The following ADI1 variants were observed in gnomAD, a reference collection of about 807,000 sequenced individuals.
ADI1 encodes acireductone dioxygenase 1, also known as acireductone dioxygenase.
ADI1 carries 21 observed loss-of-function variants against 18.7 expected under a neutral mutation model. The observed-to-expected ratio is 1.13, with a 90% confidence interval of 0.80 to 1.62. The LOEUF (loss-of-function observed/expected upper bound fraction) is 1.62. Ranked by LOEUF, ADI1 falls within the 40% of genes most tolerant of loss-of-function variation. ADI1 has a pLI of 0.00. For missense variants in ADI1, 245 were observed against 254.9 expected, an observed-to-expected ratio of 0.96 and a Z score of 0.26; for synonymous variants, 90 against 100.1, an observed-to-expected ratio of 0.90 and a Z score of 0.60.
chr2:3,506,200 T>C (rs891630911), intron 2 of ADI1, among the ~76,000 whole-genome samples: 2 of 152,184 alleles, frequency 1.3e-5, no homozygotes, highest in Non-Finnish European at 2.9e-5. Flanking sequence ...GAGACTGTCC[T>C]AGCTAATGCA....
chr2:3,516,087 T>A, intron 1 of ADI1: 1 of 971,268 alleles, frequency 1.0e-6, no homozygotes, highest in East Asian at 1.1e-4. Context: ...AATATACGAA[T>A]GTTGAAACTT....
At chr2:3,516,045 T>C (rs2103213833) in intron 1 of ADI1, 1 of 983,046 alleles carries the variant, frequency 1.0e-6, no homozygotes, top group Non-Finnish European at 1.2e-6. Flanking sequence ...ATATGTAATA[T>C]GACACATTAT....
intron 2 of ADI1, among the ~76,000 whole-genome samples, chr2:3,508,179 G>A (rs1455418387): frequency 2.7e-5 from 4 of 150,782 alleles, no homozygotes; most frequent in South Asian, 4.2e-4. Flanking sequence ...CTAAAAATAC[G>A]AAAAAATTAG....
chr2:3,502,184 C>G (rs1009102438), intron 2 of ADI1, among the ~76,000 whole-genome samples: 1 of 152,074 alleles, frequency 6.6e-6, no homozygotes, highest in Non-Finnish European at 1.5e-5. Flanking sequence ...CACTACCATA[C>G]CTGGCTAATT....
chr2:3,498,843 A>G lies in ADI1; in HGVS notation c.*120T>C. The G allele has an allele frequency of 1.4e-6, 2 of 1,422,850 alleles. No homozygotes were observed. Among genetic ancestry groups the G allele is most frequent in the Non-Finnish European group, 1.9e-6 (2 of 1,056,464 alleles). 88.1% of individuals were successfully genotyped at this position (1,422,850 alleles called of 1,614,324 possible). On this transcript the variant is annotated 3_prime_UTR_variant, in exon 4 of 4. Transcript: ENST00000327435. Reference sequence around the variant, plus strand: ...ATATTCTGATCAAATAATCTTACAAAGGAAAGATAATCTAGCCTCAAGGCT... The same window carrying G: ...ATATTCTGATCAAATAATCTTACAAGGGAAAGATAATCTAGCCTCAAGGCT...
chr2:3,503,710 C>T (rs1384546913), intron 2 of ADI1, among the ~76,000 whole-genome samples: 1 of 152,176 alleles, frequency 6.6e-6, no homozygotes, highest in Non-Finnish European at 1.5e-5. Context: ...AGGAGGTGGG[C>T]CTGGACACGC....
chr2:3,500,852 G>A lies in ADI1; in HGVS notation c.382C>T (p.Pro128Ser), dbSNP rs776902802. The A allele has an allele frequency of 1.9e-6, 3 of 1,614,070 alleles. No individual in the cohort carries two copies. The highest frequency in any genetic ancestry group is 1.3e-5 in the African/African-American group (1 of 74,926). Reference protein sequence around the residue: ...FMEKGDMVTLPAGIYHRFTVD... With the variant: ...FMEKGDMVTLSAGIYHRFTVD... ...GTGAAGCGGTGATAGATCCCCGCGG[G>A]GAGCGTCACCATGTCTCCCTTCTCC... Residue 128 changes from proline (P) to serine (S), a missense_variant, in exon 3 of 4, where the codon CCC becomes TCC. Pro to Ser is a moderately conservative substitution (Grantham distance 74). Transcript: ENST00000327435.
chr2:3,508,242 G>A (rs564618703), intron 2 of ADI1, among the ~76,000 whole-genome samples: 62 of 148,156 alleles, frequency 4.2e-4, no homozygotes, highest in Non-Finnish European at 6.8e-4. Context: ...GGTTGAGGCA[G>A]GAGAATGGCA....
chr2:3,500,566 C>A, intron 3 of ADI1: 1 of 591,826 alleles, frequency 1.7e-6, no homozygotes, highest in Non-Finnish European at 3.0e-6. Flanking sequence ...CCTGCCCCGC[C>A]TGGGTATGAA....
At chr2:3,505,343 G>C (rs538385820) in intron 2 of ADI1, among the ~76,000 whole-genome samples, 27 of 152,322 alleles carry the variant, frequency 1.8e-4, no homozygotes, top group African/African-American at 5.8e-4. Context: ...CCTATGGGAA[G>C]CAGGGCTGGG....
In ADI1 at chr2:3,498,697, G is replaced by A. The variant is rs185393237; in HGVS notation, c.*266C>T. 9.9e-5 allele frequency: 37 copies of A among 373,354 alleles called. No homozygotes were observed. The highest frequency in any genetic ancestry group is 6.4e-4 in the African/African-American group (31 of 48,328). 23.1% of individuals were successfully genotyped at this position (373,354 alleles called of 1,614,324 possible). A position where few individuals can be genotyped will look rare whatever the true frequency, so the allele number is the denominator to read the frequency against. ...TTTCGGGAGATGAAACTTTCATTTG[G>A]GACTCAACTGAATGCATGAACTAAC... On this transcript the variant is annotated 3_prime_UTR_variant, in exon 4 of 4. Transcript: ENST00000327435.
intron 2 of ADI1, among the ~76,000 whole-genome samples, chr2:3,506,346 G>A (rs1025187231): frequency 1.5e-4 from 23 of 152,284 alleles, no homozygotes; most frequent in African/African-American, 5.3e-4. Flanking sequence ...AAGCAATCAT[G>A]GCAAGTTTGC....
intron 2 of ADI1, among the ~76,000 whole-genome samples, chr2:3,509,253 C>T (rs993714290): frequency 6.6e-6 from 1 of 152,036 alleles, no homozygotes; most frequent in Non-Finnish European, 1.5e-5. Context: ...TCAATACTAA[C>T]AGTAATTGAC....
In ADI1 at chr2:3,514,863, C is replaced by T. The variant is rs562652183; in HGVS notation, c.121-887G>A. 9.0e-6 allele frequency: 14 copies of T among 1,548,182 alleles called. No homozygotes were observed. The African/African-American group carries it at 1.4e-4, about 15-fold the overall frequency. The stretch of plus-strand genomic sequence containing the variant: ...CAGGGACCCCGAATGGAGGGACCGG[C>T]TGGAGCCATGGCAGAGGAACATAAG... On this transcript the variant is annotated intron_variant, in intron 1 of 3. Coordinates refer to ENST00000327435, the MANE Select transcript of ADI1 (RefSeq NM_018269.4).
intron 2 of ADI1, among the ~76,000 whole-genome samples, chr2:3,506,576 T>A (rs1186545625): frequency 1.3e-5 from 2 of 152,232 alleles, no homozygotes; most frequent in Admixed American, 6.5e-5. Flanking sequence ...AAATTCCAAG[T>A]TCATGAATAG....
In ADI1 at chr2:3,514,116, A is replaced by G. The variant is rs145392773; in HGVS notation, c.121-140T>C. ...TTTCAACCCTCAACTAACTCTCTTC[A>G]TCTCCTCTAGCCATTTAATGGATTT... On this transcript the variant is annotated intron_variant, in intron 1 of 3. Transcript: ENST00000327435. The G allele has an allele frequency of 3.0e-6, 3 of 1,011,394 alleles. No individual in the cohort carries two copies. In the African/African-American group the frequency reaches 4.9e-5, roughly 17 times the overall value. 62.7% of individuals were successfully genotyped at this position (1,011,394 alleles called of 1,614,324 possible). A position where few individuals can be genotyped will look rare whatever the true frequency, so the allele number is the denominator to read the frequency against.
chr2:3,505,759 C>T (rs1667162382), intron 2 of ADI1, among the ~76,000 whole-genome samples: 1 of 152,112 alleles, frequency 6.6e-6, no homozygotes, highest in Non-Finnish European at 1.5e-5. Context: ...GAAACCCTAC[C>T]CTCTAATATG....
chr2:3,518,949 G>A (rs931637137), intron 1 of ADI1, among the ~76,000 whole-genome samples: 1 of 152,196 alleles, frequency 6.6e-6, no homozygotes, highest in Non-Finnish European at 1.5e-5. Flanking sequence ...CTGAGCATGC[G>A]CAGCACACCC....
intron 2 of ADI1, among the ~76,000 whole-genome samples, chr2:3,509,131 A>G (rs1454981268): frequency 1.3e-5 from 2 of 152,192 alleles, no homozygotes; most frequent in East Asian, 3.8e-4. Flanking sequence ...CCAAGGGAAC[A>G]TAACAATCTT....
Sources: gnomAD v4.1 joint callset for allele counts (sites outside exome capture counted in the v4.1 genomes callset) on GRCh38, gnomAD v4.1.1 for gene constraint, MANE v1.5 for transcripts, NCBI Gene and HGNC (gene_info 2026-07-23, HGNC 2026-07-21) for gene names.